The following LAPTM4A variants were observed in gnomAD, a reference collection of about 807,000 sequenced individuals.
LAPTM4A encodes lysosomal-associated transmembrane protein 4A.
A neutral mutation model predicts 29.9 loss-of-function variants in LAPTM4A; 19 were observed. That is an observed-to-expected ratio of 0.64 (90% CI 0.44 to 0.93). The LOEUF (loss-of-function observed/expected upper bound fraction) is 0.93. LAPTM4A is among the 40% of genes least tolerant of loss of function. LAPTM4A has a pLI of 0.00. For missense variants in LAPTM4A, 293 were observed against 288.5 expected (o/e 1.02, Z -0.11); for synonymous variants, 105 against 102.1 (o/e 1.03, Z -0.17).
intron 1 of LAPTM4A, among the ~76,000 whole-genome samples, chr2:20,046,795 A>ATATATATTTATATATTATATTAT (rs1673933866): frequency 1.4e-5 from 2 of 145,430 alleles, no homozygotes; most frequent in African/African-American, 5.0e-5. Flanking sequence ...TATATAATAT[A>ATATATATTTATATATTATATTAT]ATATATATTT....
At chr2:20,035,143 A>G (rs1673654304) in intron 4 of LAPTM4A, 81 bp from the exon 5 acceptor site, 1 of 884,164 alleles carries the variant, frequency 1.1e-6, no homozygotes, top group Non-Finnish European at 1.8e-6. Context: ...TCTGAAGAAT[A>G]CAAAGGCACC....
intron 1 of LAPTM4A, among the ~76,000 whole-genome samples, chr2:20,045,462 C>CT (rs1296845002): frequency 6.9e-5 from 9 of 129,508 alleles, no homozygotes; most frequent in South Asian, 6.8e-4. Flanking sequence ...GACCCCATCT[C>CT]TTTAAAAAAA....
chr2:20,033,019 C>A lies in LAPTM4A; in HGVS notation c.*186G>T, dbSNP rs1673596064. The A allele has an allele frequency of 1.7e-6, 1 of 580,432 alleles. No individual in the cohort carries two copies. Among genetic ancestry groups the A allele is most frequent in the African/African-American group, 1.9e-5 (1 of 53,766 alleles). 36.0% of individuals were successfully genotyped at this position (580,432 alleles called of 1,614,324 possible). ...TCAAAAACTATTAAAATGTAAAAGACTTAACAAAAAAACAAAAAGACGTTT... is the reference window on the plus strand; with the variant it reads ...TCAAAAACTATTAAAATGTAAAAGAATTAACAAAAAAACAAAAAGACGTTT... On this transcript the variant is annotated 3_prime_UTR_variant, in exon 7 of 7. Coordinates refer to ENST00000175091, the MANE Select transcript of LAPTM4A (RefSeq NM_014713.5).
chr2:20,051,404 CCTT>C lies in LAPTM4A; in HGVS notation c.111+3_111+5del, dbSNP rs754320991. 9 of 1,600,336 alleles carry C rather than the reference CCTT, an allele frequency of 5.6e-6. No individual in the cohort carries two copies. The highest frequency in any genetic ancestry group is 6.8e-6 in the Non-Finnish European group (8 of 1,168,358). ...CGGACATACGCGCCACGCCTGCCCG[CCTT>C]ACCATGTACCAGGTCCCCAGGATGA... On this transcript the variant is annotated splice_donor_5th_base_variant and intron_variant, in intron 1 of 6. Transcript: ENST00000175091.
Position 20,041,023 on chromosome 2 carries a change from A to C in LAPTM4A, c.112-12T>G. 6.2e-7 allele frequency: 1 copy of C among 1,613,580 alleles called. No homozygotes were observed. Among genetic ancestry groups the C allele is most frequent in the Non-Finnish European group, 8.5e-7 (1 of 1,179,574 alleles). On this transcript the variant is annotated splice_polypyrimidine_tract_variant and intron_variant, in intron 1 of 6. Transcript: ENST00000175091. ...AATAGGTTTACTACCTGGAAAAGAT[A>C]ACATTCTATCAGTTACATTAATTAC...
At chr2:20,037,781 G>C (rs1187330678) in intron 2 of LAPTM4A, among the ~76,000 whole-genome samples, 167 bp from the exon 3 acceptor site, 2 of 150,402 alleles carry the variant, frequency 1.3e-5, no homozygotes, top group Non-Finnish European at 3.0e-5. Flanking sequence ...CAAAGTCTCA[G>C]CATGAAGTAA....
rs1054989752 is a variant in LAPTM4A at position 20,035,005 on chromosome 2, T to C, written c.490A>G (p.Ile164Val). 3.7e-5 allele frequency: 60 copies of C among 1,612,690 alleles called. No homozygotes were observed. The highest frequency in any genetic ancestry group is 5.0e-5 in the Non-Finnish European group (59 of 1,179,178). The change falls in exon 5 of 7, where the codon ATT becomes GTT. Residue 164 changes from isoleucine to valine, a missense_variant. By Grantham distance (29) the Ile-to-Val change is conservative. Transcript: ENST00000175091. ...AATAAGGCAAAGAACACAAGAACAA[T>C]GAACAGGAGGCAGCTGGAGTCCAAG... Reference protein sequence around the residue: ...LALDSSCLLFIVLVFFALFII... With the variant: ...LALDSSCLLFVVLVFFALFII...
At chr2:20,047,920 C>T (rs1228921109) in intron 1 of LAPTM4A, among the ~76,000 whole-genome samples, 2 of 152,074 alleles carry the variant, frequency 1.3e-5, no homozygotes, top group African/African-American at 4.8e-5. Context: ...ATAGCATATG[C>T]AAAGGCAGAG....
At chr2:20,046,823 G>C (rs1673934992) in intron 1 of LAPTM4A, among the ~76,000 whole-genome samples, 1 of 129,570 alleles carries the variant, frequency 7.7e-6, no homozygotes. Context: ...GTAGAGAGGG[G>C]GTTTCGTCAT....
At chr2:20,041,789 G>C (rs190512055) in intron 1 of LAPTM4A, among the ~76,000 whole-genome samples, 103 of 152,260 alleles carry the variant, frequency 6.8e-4, no homozygotes, top group African/African-American at 2.2e-3. Context: ...CCCAGCCCTA[G>C]CCTCCCAAAG....
At position 20,035,023 on chromosome 2, in the gene LAPTM4A, A is replaced by C. The variant is rs549397195; in HGVS notation, c.472T>G (p.Ser158Ala). Reference protein sequence around the residue: ...PYKDDLLALDSSCLLFIVLVF... With the variant: ...PYKDDLLALDASCLLFIVLVF... ...AGAACAATGAACAGGAGGCAGCTGG[A>C]GTCCAAGGCCAGGAGGTCATCTTTG... is the stretch of plus-strand genomic sequence containing the variant. Residue 158 changes from serine (S) to alanine (A), a missense_variant, in exon 5 of 7, where the codon TCC (serine) becomes GCC (alanine). Coordinates refer to ENST00000175091, the MANE Select transcript of LAPTM4A (RefSeq NM_014713.5). 2 of 1,613,114 alleles carry C rather than the reference A, an allele frequency of 1.2e-6. No individual in the cohort carries two copies. Among genetic ancestry groups the C allele is most frequent in the South Asian group, 2.2e-5 (2 of 90,984 alleles).
At chr2:20,046,547 C>G (rs1348510802) in intron 1 of LAPTM4A, among the ~76,000 whole-genome samples, 1 of 151,292 alleles carries the variant, frequency 6.6e-6, no homozygotes, top group African/African-American at 2.4e-5. Context: ...AGAGTAGTTA[C>G]TGCGATCTAG....
In LAPTM4A at chr2:20,037,412, G is replaced by T; in HGVS notation, c.336C>A (p.Phe112Leu). Residue 112 changes from phenylalanine to leucine, a missense_variant, in exon 4 of 7, where the codon TTC becomes TTA. Physicochemically the swap from Phe to Leu is conservative, Grantham distance 22. Coordinates refer to ENST00000175091, the MANE Select transcript of LAPTM4A (RefSeq NM_014713.5). ...CGAAGTCAAAAAGTCGGTAACAGAA[G>T]AATGGAATCAGCCAACCCACTTGAT... is the stretch of plus-strand genomic sequence containing the variant. ...ISYQVGWLIP[F>L]FCYRLFDFVL... 6.2e-7 allele frequency: 1 copy of T among 1,612,190 alleles called. No individual in the cohort carries two copies. Among genetic ancestry groups the T allele is most frequent in the South Asian group, 1.1e-5 (1 of 90,816 alleles).
Position 20,033,221 on chromosome 2 carries a change from G to C in LAPTM4A, c.686C>G (p.Pro229Arg), listed in dbSNP as rs2103493913. The C allele has an allele frequency of 6.2e-7, 1 of 1,614,108 alleles. No individual in the cohort carries two copies. Among genetic ancestry groups the C allele is most frequent in the African/African-American group, 1.3e-5 (1 of 75,062 alleles). Residue 229 changes from proline to arginine, a missense_variant, in exon 7 of 7, where the codon CCT (proline) becomes CGT (arginine). Coordinates refer to ENST00000175091, the MANE Select transcript of LAPTM4A (RefSeq NM_014713.5). ...AGAATTTCTTCAGGCAGGTAAGTAA[G>C]GAGGTGGTGGTTCTTTTTCAGGCAT... ...VKMPEKEPPP[P>R]YLPA
At chr2:20,042,377 G>T (rs1214759169) in intron 1 of LAPTM4A, among the ~76,000 whole-genome samples, 1 of 152,198 alleles carries the variant, frequency 6.6e-6, no homozygotes, top group Non-Finnish European at 1.5e-5. Context: ...TGGATTCAGA[G>T]GCCCAAGCAT....
chr2:20,034,956 C>A lies in LAPTM4A; in HGVS notation c.528+11G>T. On this transcript the variant is annotated intron_variant, in intron 5 of 6. Coordinates refer to ENST00000175091, the MANE Select transcript of LAPTM4A (RefSeq NM_014713.5). ...TCTCAGTCACCCCTAAAGATTTAGTCAGCAACGTACCTTAAAAATGATGAA... is the reference window on the plus strand; with the variant it reads ...TCTCAGTCACCCCTAAAGATTTAGTAAGCAACGTACCTTAAAAATGATGAA... 1 of 1,596,134 alleles carries A rather than the reference C, an allele frequency of 6.3e-7. No individual in the cohort carries two copies. The highest frequency in any genetic ancestry group is 8.6e-7 in the Non-Finnish European group (1 of 1,166,648).
chr2:20,033,611 G>C (rs976735026), intron 6 of LAPTM4A, among the ~76,000 whole-genome samples: 2 of 152,190 alleles, frequency 1.3e-5, no homozygotes, highest in South Asian at 4.1e-4. Flanking sequence ...TACACTTCAG[G>C]TGTTGAGGAG....
In LAPTM4A at chr2:20,033,244, C is replaced by T; in HGVS notation, c.663G>A (p.Met221Ile). ...AAGGAGGTGGTGGTTCTTTTTCAGG[C>T]ATTTTCACGGCCATTTCATAGGTTG... ...VLPTYEMAVK[M>I]PEKEPPPPYL... is the part of the protein sequence containing the mutation. Residue 221 changes from methionine (M) to isoleucine (I), a missense_variant, in exon 7 of 7, where the codon ATG (methionine) becomes ATA (isoleucine). Coordinates refer to ENST00000175091, the MANE Select transcript of LAPTM4A (RefSeq NM_014713.5). The T allele has an allele frequency of 1.2e-6, 2 of 1,614,024 alleles. No homozygotes were observed. Among genetic ancestry groups the T allele is most frequent in the Non-Finnish European group, 1.7e-6 (2 of 1,179,998 alleles).
chr2:20,036,789 T>A (rs892862434), intron 4 of LAPTM4A, among the ~76,000 whole-genome samples: 13 of 152,226 alleles, frequency 8.5e-5, no homozygotes, highest in African/African-American at 2.7e-4. Flanking sequence ...AAGTTCCTTA[T>A]TTGCTGCTGC....
Sources: gnomAD v4.1 joint callset for allele counts (sites outside exome capture counted in the v4.1 genomes callset) on GRCh38, gnomAD v4.1.1 for gene constraint, MANE v1.5 for transcripts, NCBI Gene and HGNC (gene_info 2026-07-23, HGNC 2026-07-21) for gene names.